The following TP53TG5 variants were observed in gnomAD, a reference collection of about 807,000 sequenced individuals.
TP53TG5 encodes TP53-target gene 5 protein.
In TP53TG5, 17 loss-of-function variants were observed where a neutral mutation model predicts 30.0. The ratio of observed to expected loss-of-function variants is 0.57; its 90% confidence interval spans 0.39 to 0.85. The LOEUF is 0.85. Among genes scored for constraint, TP53TG5 ranks in the 40% least tolerant of loss-of-function variants. TP53TG5 has a pLI of 0.00. For synonymous variants in TP53TG5, 137 were observed against 139.2 expected (o/e 0.98, Z 0.11); for missense variants, 338 against 367.9 (o/e 0.92, Z 0.67).
In TP53TG5 at chr20:45,375,454, G is replaced by T; in HGVS notation, c.353C>A (p.Thr118Lys). The T allele has an allele frequency of 6.2e-7, 1 of 1,614,096 alleles. No individual in the cohort carries two copies. Among genetic ancestry groups the T allele is most frequent in the East Asian group, 2.2e-5 (1 of 44,868 alleles). Residue 118 changes from threonine (T) to lysine (K), a missense_variant, in exon 4 of 5, where the codon ACA becomes AAA. By Grantham distance (78) the Thr-to-Lys change is moderately conservative (BLOSUM62 -1). Coordinates refer to ENST00000372726, the MANE Select transcript of TP53TG5 (RefSeq NM_014477.3). ...GTACTCTTTTTTCTTAGGGTCCCCT[G>T]TGGACTCTAATTTCTTGGACTTGAG... ...KELKSKKLES[T>K]GDPKKKEYKE...
At chr20:45,375,918 C>T (rs1265322027) in intron 3 of TP53TG5, 2 of 208,804 alleles carry the variant, frequency 9.6e-6, no homozygotes, top group African/African-American at 4.7e-5. Flanking sequence ...GGAGGTGTCT[C>T]AATGTCACCT....
At position 45,373,505 on chromosome 20, in the gene TP53TG5, C is replaced by A. The variant is rs577886082; in HGVS notation, c.*402G>T. The A allele has an allele frequency of 4.0e-6, 1 of 248,468 alleles. No individual in the cohort carries two copies. The highest frequency in any genetic ancestry group is 2.2e-5 in the African/African-American group (1 of 45,940). The allele number at this position is 248,468 out of a possible 1,614,324, so 15.4% of individuals were successfully genotyped here. The stretch of plus-strand genomic sequence containing the variant: ...TGAGCAGGCTCTCATTTCGCCTTTT[C>A]CCTTTCTTGGGAAAATGGAATGGGG... On this transcript the variant is annotated 3_prime_UTR_variant, in exon 5 of 5. Transcript: ENST00000372726.
chr20:45,374,219 G>T (rs1988648810), intron 4 of TP53TG5: 2 of 684,020 alleles, frequency 2.9e-6, no homozygotes, highest in South Asian at 3.2e-5. Context: ...CGAAAGGGCT[G>T]CGGTATTTTC....
rs150667328 is a variant in TP53TG5, at chr20:45,375,380, T to C, written c.427A>G (p.Thr143Ala). The C allele has an allele frequency of 5.0e-4, 800 of 1,614,124 alleles. 3 individuals are homozygous for C. Among genetic ancestry groups the C allele is most frequent in the South Asian group, 3.5e-3 (321 of 91,078 alleles). Residue 143 changes from threonine (T) to alanine (A), a missense_variant, in exon 4 of 5, where the codon ACG becomes GCG. Physicochemically the swap from Thr to Ala is moderately conservative, Grantham distance 58. Coordinates refer to ENST00000372726, the MANE Select transcript of TP53TG5 (RefSeq NM_014477.3). ...VQSGMRNKEK[T>A]SLAAMPRKEK... The stretch of plus-strand genomic sequence containing the variant: ...TTCCGTGGCATTGCCGCCAATGACG[T>C]TTTCTCCTTGTTCCTCATCCCTGAC...
Position 45,372,787 on chromosome 20 carries a change from G to C in TP53TG5, c.*1120C>G, listed in dbSNP as rs1988593763. On this transcript the variant is annotated 3_prime_UTR_variant, in exon 5 of 5. Coordinates refer to ENST00000372726, the MANE Select transcript of TP53TG5 (RefSeq NM_014477.3). The stretch of plus-strand genomic sequence containing the variant: ...GAGCTCCAGGAAGATTGCGCTGGGA[G>C]CAGGAGCTCGGGAGCACGCAGCAGC... The C allele has an allele frequency of 6.6e-6, 1 of 152,266 alleles. No homozygotes were observed. The highest frequency in any genetic ancestry group is 2.1e-4 in the South Asian group (1 of 4,840). 9.4% of individuals were successfully genotyped at this position (152,266 alleles called of 1,614,324 possible).
chr20:45,374,017 A>C lies in TP53TG5; in HGVS notation c.769-6T>G. ...CTCGTCCAGGTCACATCAACCTGCC[A>C]GCAGAAACCTCGGTGTTAGGCGCTA... On this transcript the variant is annotated splice_region_variant and splice_polypyrimidine_tract_variant and intron_variant, in intron 4 of 4. Transcript: ENST00000372726. 2.5e-6 allele frequency: 4 copies of C among 1,613,898 alleles called. No individual in the cohort carries two copies. The highest frequency in any genetic ancestry group is 3.4e-6 in the Non-Finnish European group (4 of 1,179,994).
intron 2 of TP53TG5, 46 bp downstream of exon 2, chr20:45,377,493 G>A (rs1988767143): frequency 6.2e-7 from 1 of 1,611,274 alleles, no homozygotes; most frequent in Non-Finnish European, 8.5e-7. Flanking sequence ...AGTACTGCAT[G>A]AGTATATGAG....
chr20:45,377,385 C>T, intron 2 of TP53TG5, 43 bp from the exon 3 acceptor site: 1 of 1,612,788 alleles, frequency 6.2e-7, no homozygotes. Context: ...CTTCAGCTTT[C>T]CTGGACAGCC....
Position 45,377,251 on chromosome 20 carries a change from G to A in TP53TG5, c.215C>T (p.Ser72Leu). 5 of 1,614,092 alleles carry A rather than the reference G, an allele frequency of 3.1e-6. No homozygotes were observed. The highest frequency in any genetic ancestry group is 4.2e-6 in the Non-Finnish European group (5 of 1,180,048). The change falls in exon 3 of 5, where the codon TCA becomes TTA. Residue 72 changes from serine to leucine, a missense_variant. Transcript: ENST00000372726. ...LHKLAKRCWH[S>L]LLSVPKILRI... Reference sequence around the variant, plus strand: ...GAGAATCTTTGGAACACTGAGCAGTGAATGCCAACACCTTTTGGCCAGCTT... The same window carrying A: ...GAGAATCTTTGGAACACTGAGCAGTAAATGCCAACACCTTTTGGCCAGCTT...
intron 1 of TP53TG5, 37 bp downstream of exon 1, chr20:45,378,152 T>C (rs1182506754): frequency 1.2e-6 from 2 of 1,613,732 alleles, no homozygotes; most frequent in Non-Finnish European, 1.7e-6. Context: ...AGGTCCCCTC[T>C]AGGGACTCAC....
Position 45,375,169 on chromosome 20 carries a change from C to A in TP53TG5, c.638G>T (p.Gly213Val). ...CGGGAGGTGGATTCGTGTGGGCAGC[C>A]CCTCAAACCAGATCCACTGGTCGGC... The part of the protein sequence containing the change: ...DVADQWIWFE[G>V]LPTRIHLPAP... The change falls in exon 4 of 5, where the codon GGG (glycine) becomes GTG (valine). Residue 213 changes from glycine to valine, a missense_variant. Transcript: ENST00000372726. 1 of 1,614,170 alleles carries A rather than the reference C, an allele frequency of 6.2e-7. No homozygotes were observed. The highest frequency in any genetic ancestry group is 1.3e-5 in the African/African-American group (1 of 75,038).
In TP53TG5 at chr20:45,373,785, G is replaced by C. The variant is rs1988630818; in HGVS notation, c.*122C>G. The stretch of plus-strand genomic sequence containing the variant: ...ACCTTAGGGGCCTCGGGGTGGGGGT[G>C]GGGGAAGCCTGAAGTCGCGACACAG... On this transcript the variant is annotated 3_prime_UTR_variant, in exon 5 of 5. Coordinates refer to ENST00000372726, the MANE Select transcript of TP53TG5 (RefSeq NM_014477.3). 1.3e-5 allele frequency: 12 copies of C among 904,972 alleles called. No individual in the cohort carries two copies. Among genetic ancestry groups the C allele is most frequent in the Non-Finnish European group, 2.1e-5 (12 of 570,996 alleles). The allele number at this position is 904,972 out of a possible 1,614,324, so 56.1% of individuals were successfully genotyped here.
chr20:45,377,757 G>A, intron 1 of TP53TG5, 144 bp from the exon 2 acceptor site: 2 of 719,988 alleles, frequency 2.8e-6, no homozygotes, highest in East Asian at 2.7e-5. Context: ...CCAACATGGT[G>A]AAACCCTGAC....
In TP53TG5 at chr20:45,373,506, C is replaced by G. The variant is rs1481906067; in HGVS notation, c.*401G>C. ...GAGCAGGCTCTCATTTCGCCTTTTC[C>G]CTTTCTTGGGAAAATGGAATGGGGA... On this transcript the variant is annotated 3_prime_UTR_variant, in exon 5 of 5. Coordinates refer to ENST00000372726, the MANE Select transcript of TP53TG5 (RefSeq NM_014477.3). 4.1e-6 allele frequency: 1 copy of G among 246,228 alleles called. No individual in the cohort carries two copies. The highest frequency in any genetic ancestry group is 2.2e-5 in the African/African-American group (1 of 45,670). 15.3% of individuals were successfully genotyped at this position (246,228 alleles called of 1,614,324 possible).
chr20:45,376,468 C>G (rs1006817565), intron 3 of TP53TG5: 1 of 152,244 alleles, frequency 6.6e-6, no homozygotes, highest in Non-Finnish European at 1.5e-5. Context: ...GAGTGGCTTA[C>G]AGAGCACAGG....
At position 45,373,648 on chromosome 20, in the gene TP53TG5, T is replaced by C. The variant is rs1324261594; in HGVS notation, c.*259A>G. 4 of 534,058 alleles carry C rather than the reference T, an allele frequency of 7.5e-6. No homozygotes were observed. The highest frequency in any genetic ancestry group is 1.3e-5 in the Non-Finnish European group (4 of 296,832). 33.1% of individuals were successfully genotyped at this position (534,058 alleles called of 1,614,324 possible). On this transcript the variant is annotated 3_prime_UTR_variant, in exon 5 of 5. Transcript: ENST00000372726. ...CTCGCGGGGCGATTGTGAGGCACTT[T>C]GCACCCAGGAAGCACACGAGCGCCC... is the stretch of plus-strand genomic sequence containing the variant.
intron 2 of TP53TG5, 32 bp downstream of exon 2, chr20:45,377,507 C>A (rs1250241735): frequency 6.2e-7 from 1 of 1,613,032 alleles, no homozygotes; most frequent in East Asian, 2.2e-5. Flanking sequence ...ATATGAGCTT[C>A]CCCAAGCTGG....
At chr20:45,374,786 G>A (rs1344108531) in intron 4 of TP53TG5, 1 of 524,518 alleles carries the variant, frequency 1.9e-6, no homozygotes, top group Non-Finnish European at 3.3e-6. Flanking sequence ...GCAGTGAGAT[G>A]GCTCACTTCA....
intron 3 of TP53TG5, 67 bp from the exon 4 acceptor site, chr20:45,375,619 T>C: frequency 2.0e-6 from 3 of 1,535,412 alleles, no homozygotes; most frequent in Non-Finnish European, 2.6e-6. Flanking sequence ...ACAGTTGCTA[T>C]GTAGCCAGCT....
Sources: gnomAD v4.1 joint callset for allele counts on GRCh38, gnomAD v4.1.1 for gene constraint, MANE v1.5 for transcripts, NCBI Gene and HGNC (gene_info 2026-07-23, HGNC 2026-07-21) for gene names.